Variants in PAPSS2 observed in about 807,000 individuals in gnomAD.
The protein encoded by PAPSS2 is 3'-phosphoadenosine 5'-phosphosulfate synthase 2.
A neutral mutation model predicts 66.5 loss-of-function variants in PAPSS2; 61 were observed. The ratio of observed to expected loss-of-function variants is 0.92; its 90% CI spans 0.75 to 1.14. The LOEUF is 1.14. PAPSS2 is among the 50% of genes most tolerant of loss of function. PAPSS2 has a pLI of 0.00. For missense variants in PAPSS2, 708 were observed against 789.6 expected (o/e 0.90, Z 1.24); for synonymous variants, 289 against 287.5 (o/e 1.01, Z -0.05).
chr10:87,660,080 C>T, intron 1 of PAPSS2, 72 bp downstream of exon 1: 2 of 1,482,250 alleles, frequency 1.3e-6, no homozygotes, highest in East Asian at 2.4e-5. Flanking sequence ...CCCAATTCCC[C>T]GGCACTTGGG....
chr10:87,659,980 G>A lies in PAPSS2; in HGVS notation c.-2G>A. On this transcript the variant is annotated 5_prime_UTR_variant, in exon 1 of 13. Coordinates refer to ENST00000456849, the MANE Select transcript of PAPSS2 (RefSeq NM_001015880.2). The stretch of plus-strand genomic sequence containing the variant: ...ACCCGGGCTCCGCCGCAGCCAGCCA[G>A]CATGTCGGGGATCAAGAAGCAAAAG... The A allele has an allele frequency of 6.2e-7, 1 of 1,613,254 alleles. No homozygotes were observed. Among genetic ancestry groups the A allele is most frequent in the African/African-American group, 1.3e-5 (1 of 75,040 alleles).
intron 1 of PAPSS2, chr10:87,703,902 C>G: frequency 4.0e-6 from 2 of 501,902 alleles, no homozygotes; most frequent in Non-Finnish European, 7.9e-6. Flanking sequence ...TATGTACACA[C>G]AGCAAGACAG....
intron 1 of PAPSS2, among the ~76,000 whole-genome samples, chr10:87,697,027 A>G (rs1247024854): frequency 6.6e-6 from 1 of 152,166 alleles, no homozygotes; most frequent in Non-Finnish European, 1.5e-5. Context: ...ATTTTCACCT[A>G]ACATTTTTCT....
chr10:87,661,194 C>T, intron 1 of PAPSS2: 1 of 372,270 alleles, frequency 2.7e-6, no homozygotes, highest in Non-Finnish European at 5.3e-6. Context: ...TGTGGAGGGG[C>T]CATGCAGGGC....
intron 1 of PAPSS2, among the ~76,000 whole-genome samples, chr10:87,698,065 AT>A (rs1395293194): frequency 6.6e-6 from 1 of 152,178 alleles, no homozygotes. Context: ...GTCATGCGGA[AT>A]TTTTTTAAAA....
chr10:87,742,552 A>G (rs7921889), intron 10 of PAPSS2, among the ~76,000 whole-genome samples: 44,228 of 152,070 alleles, frequency 0.29, 6,693 homozygotes, highest in Middle Eastern at 0.31. Flanking sequence ...TTCATTTTCA[A>G]TACTATAGAC....
At chr10:87,711,328 G>A (rs1268348324) in intron 2 of PAPSS2, among the ~76,000 whole-genome samples, 3 of 152,388 alleles carry the variant, frequency 2.0e-5, no homozygotes, top group East Asian at 3.9e-4. Context: ...TAAGTTGTCA[G>A]TAATTGTAAT....
Position 87,745,124 on chromosome 10 carries a change from C to T in PAPSS2, c.1614C>T (p.Gly538=). The T allele has an allele frequency of 1.2e-6, 2 of 1,614,156 alleles. No homozygotes were observed. The highest frequency in any genetic ancestry group is 2.2e-5 in the East Asian group (1 of 44,876). The change falls in exon 12 of 13, where the codon GGC becomes GGT. Residue 538 remains glycine (G), a synonymous_variant. Transcript: ENST00000456849. ...ATCTGTATGAACCCACTCATGGGGG[C>T]AAGGTCTTGAGCATGGCCCCTGGCC... is the stretch of plus-strand genomic sequence containing the variant. ...KKDLYEPTHG[G]KVLSMAPGLT...
intron 7 of PAPSS2, among the ~76,000 whole-genome samples, chr10:87,721,272 C>A (rs1853596890): frequency 6.6e-6 from 1 of 152,156 alleles, no homozygotes; most frequent in African/African-American, 2.4e-5. Context: ...GCTTGTTCTG[C>A]TGAGCATATT....
At chr10:87,664,715 T>G (rs960056673) in intron 1 of PAPSS2, among the ~76,000 whole-genome samples, 2 of 152,182 alleles carry the variant, frequency 1.3e-5, no homozygotes, top group African/African-American at 4.8e-5. Flanking sequence ...CCTAGGAGAT[T>G]TCTGTTTATT....
chr10:87,674,019 A>G (rs1490697478), intron 1 of PAPSS2, among the ~76,000 whole-genome samples: 1 of 152,070 alleles, frequency 6.6e-6, no homozygotes, highest in East Asian at 1.9e-4. Flanking sequence ...CAGTCCATGA[A>G]GTGCTCATTG....
chr10:87,720,859 C>T (rs1436839714), intron 7 of PAPSS2, among the ~76,000 whole-genome samples: 3 of 152,190 alleles, frequency 2.0e-5, no homozygotes, highest in African/African-American at 2.4e-5. Context: ...TGTATCATAT[C>T]ACTTTATTTC....
intron 8 of PAPSS2, among the ~76,000 whole-genome samples, chr10:87,726,607 A>G (rs1050650631): frequency 6.6e-6 from 1 of 152,232 alleles, no homozygotes; most frequent in Non-Finnish European, 1.5e-5. Flanking sequence ...AAGCATATAC[A>G]CTATGTACCC....
At chr10:87,718,019 ATTTTCTT>A (rs1415218099) in intron 7 of PAPSS2, among the ~76,000 whole-genome samples, 1 of 150,958 alleles carries the variant, frequency 6.6e-6, no homozygotes, top group Non-Finnish European at 1.5e-5. Flanking sequence ...AAACCTGTTG[ATTTTCTT>A]TTTTCTTTTC....
At chr10:87,725,887 A>ACACACACACG (rs1853653395) in intron 8 of PAPSS2, among the ~76,000 whole-genome samples, 1 of 139,828 alleles carries the variant, frequency 7.2e-6, no homozygotes, top group Admixed American at 6.9e-5. Context: ...GTGTGTATAC[A>ACACACACACG]CACACACACA....
chr10:87,728,275 G>T (rs758759805), intron 9 of PAPSS2, among the ~76,000 whole-genome samples: 1 of 152,092 alleles, frequency 6.6e-6, no homozygotes, highest in Non-Finnish European at 1.5e-5. Flanking sequence ...AGAGCAGTAG[G>T]GTGGAAATGA....
At chr10:87,680,872 T>C (rs1853011829) in intron 1 of PAPSS2, among the ~76,000 whole-genome samples, 1 of 152,200 alleles carries the variant, frequency 6.6e-6, no homozygotes, top group Non-Finnish European at 1.5e-5. Context: ...CTTTTGTGTT[T>C]GGTTTCTTTT....
chr10:87,693,405 AC>A (rs1228993850), intron 1 of PAPSS2, among the ~76,000 whole-genome samples: 4 of 152,264 alleles, frequency 2.6e-5, no homozygotes, highest in Non-Finnish European at 5.9e-5. Flanking sequence ...AGAGTGAACA[AC>A]CTTTGCATAT....
chr10:87,681,761 CT>C (rs1400181813), intron 1 of PAPSS2, among the ~76,000 whole-genome samples: 8 of 152,102 alleles, frequency 5.3e-5, no homozygotes, highest in Non-Finnish European at 1.2e-4. Context: ...TGATAGTTTC[CT>C]TTTTTGGATG....
Sources: gnomAD v4.1 joint callset for allele counts (sites outside exome capture counted in the v4.1 genomes callset) on GRCh38, gnomAD v4.1.1 for gene constraint, MANE v1.5 for transcripts, NCBI Gene and HGNC (gene_info 2026-07-23, HGNC 2026-07-21) for gene names.